The following FAM227B variants were observed in gnomAD, a reference collection of about 807,000 sequenced individuals.
FAM227B encodes the protein protein FAM227B.
A neutral mutation model predicts 73.8 loss-of-function variants in FAM227B; 88 were observed. The observed-to-expected ratio is 1.19, with a 90% CI of 1.00 to 1.42. The LOEUF (loss-of-function observed/expected upper bound fraction) is 1.42. Ranked by LOEUF, FAM227B falls within the 40% of genes most tolerant of loss-of-function variation. The pLI, the probability that FAM227B is intolerant of heterozygous loss-of-function variation, is 0.00. For synonymous variants in FAM227B, 210 were observed against 190.5 expected, an observed-to-expected ratio of 1.10 and a Z score of -0.84; for missense variants, 632 against 590.9, an observed-to-expected ratio of 1.07 and a Z score of -0.72.
At chr15:49,505,168 T>C (rs1479675530) in intron 11 of FAM227B, among the ~76,000 whole-genome samples, 1 of 152,168 alleles carries the variant, frequency 6.6e-6, no homozygotes, top group African/African-American at 2.4e-5. Context: ...ATGCACTCTA[T>C]ATAATTTCAT....
At chr15:49,542,133 T>C (rs1336567976) in intron 9 of FAM227B, among the ~76,000 whole-genome samples, 1 of 152,190 alleles carries the variant, frequency 6.6e-6, no homozygotes, top group Non-Finnish European at 1.5e-5. Flanking sequence ...TTTAATATTT[T>C]TAACTTTTAT....
At chr15:49,361,740 A>G (rs2044278143) in intron 13 of FAM227B, among the ~76,000 whole-genome samples, 1 of 152,158 alleles carries the variant, frequency 6.6e-6, no homozygotes, top group Non-Finnish European at 1.5e-5. Context: ...AGAAAGATTT[A>G]TATTCCTTTG....
At chr15:49,395,627 G>A (rs1271319759) in intron 11 of FAM227B, among the ~76,000 whole-genome samples, 1 of 152,188 alleles carries the variant, frequency 6.6e-6, no homozygotes, top group Non-Finnish European at 1.5e-5. Context: ...ATACATGGCA[G>A]CTAATTTTTA....
At chr15:49,598,504 G>C (rs898664930) in intron 3 of FAM227B, among the ~76,000 whole-genome samples, 1 of 151,968 alleles carries the variant, frequency 6.6e-6, no homozygotes, top group Non-Finnish European at 1.5e-5. Context: ...GGAGTGCTGA[G>C]TGGGAATCCT....
intron 7 of FAM227B, 127 bp downstream of exon 7, chr15:49,576,614 C>T: frequency 3.2e-6 from 2 of 625,330 alleles, no homozygotes; most frequent in Non-Finnish European, 5.5e-6. Flanking sequence ...GTCTTTCCTG[C>T]CAAATTTAAT....
At chr15:49,483,534 A>G (rs547856307) in intron 11 of FAM227B, among the ~76,000 whole-genome samples, 23 of 152,118 alleles carry the variant, frequency 1.5e-4, no homozygotes, top group African/African-American at 3.6e-4. Flanking sequence ...TGCATTTTAG[A>G]TATTTAAAAT....
At chr15:49,488,792 G>A (rs1487266856) in intron 11 of FAM227B, 1 of 151,980 alleles carries the variant, frequency 6.6e-6, no homozygotes, top group Non-Finnish European at 1.5e-5. Context: ...TTTTCTCATA[G>A]TTTATGTGGC....
At chr15:49,564,476 C>T (rs887783777) in intron 9 of FAM227B, among the ~76,000 whole-genome samples, 3 of 152,084 alleles carry the variant, frequency 2.0e-5, no homozygotes, top group Non-Finnish European at 4.4e-5. Context: ...CCCAGGAATC[C>T]CATAACAAGG....
At chr15:49,401,993 A>C (rs1233535951) in intron 11 of FAM227B, among the ~76,000 whole-genome samples, 1 of 151,980 alleles carries the variant, frequency 6.6e-6, no homozygotes, top group Non-Finnish European at 1.5e-5. Context: ...CTAAAACTTA[A>C]AGTATAATAA....
intron 13 of FAM227B, among the ~76,000 whole-genome samples, chr15:49,338,895 A>C (rs1030704104): frequency 1.3e-5 from 2 of 152,118 alleles, no homozygotes; most frequent in Non-Finnish European, 2.9e-5. Flanking sequence ...AGTCTCTGAT[A>C]TCCTTTCTAC....
chr15:49,501,506 G>T (rs762426859), intron 11 of FAM227B, among the ~76,000 whole-genome samples: 3 of 152,208 alleles, frequency 2.0e-5, no homozygotes, highest in Non-Finnish European at 2.9e-5. Context: ...AGGCAACAGG[G>T]TATTCAAGAT....
intron 5 of FAM227B, 142 bp downstream of exon 5, chr15:49,587,874 T>A (rs1394941129): frequency 7.5e-5 from 53 of 705,006 alleles, no homozygotes; most frequent in Non-Finnish European, 4.3e-5. Context: ...GCAGCTATCT[T>A]TAAAACATAG....
At chr15:49,408,833 G>GT (rs1567226123) in intron 11 of FAM227B, among the ~76,000 whole-genome samples, 1 of 145,184 alleles carries the variant, frequency 6.9e-6, no homozygotes, top group Admixed American at 7.0e-5. Context: ...TGTTGTGGTG[G>GT]TTTTTTCTGG....
chr15:49,332,765 G>C (rs1265233127), intron 14 of FAM227B, among the ~76,000 whole-genome samples: 3 of 152,212 alleles, frequency 2.0e-5, no homozygotes, highest in African/African-American at 7.2e-5. Flanking sequence ...GAAGCAGCAA[G>C]TTTAGATGAG....
intron 10 of FAM227B, among the ~76,000 whole-genome samples, chr15:49,540,111 T>C (rs1472920233): frequency 3.3e-5 from 5 of 152,110 alleles, no homozygotes; most frequent in East Asian, 1.9e-4. Flanking sequence ...GCAATGGCTG[T>C]TGGTTAACCA....
chr15:49,511,022 G>A lies in FAM227B; in HGVS notation c.875-2674C>T, dbSNP rs1352548256. 2.6e-5 allele frequency among the ~76,000 whole-genome samples: 4 copies of A among 151,244 alleles called. No homozygotes were observed. In the South Asian group the frequency reaches 6.2e-4, roughly 24 times the overall value. ...TTCTGAGGACTCACAATTTACTGTG[G>A]CATACAGCAATTTTTATCCATTGTC... On this transcript the variant is annotated intron_variant, in intron 10 of 15. Transcript: ENST00000299338.
intron 11 of FAM227B, among the ~76,000 whole-genome samples, chr15:49,422,179 T>C (rs1012837543): frequency 2.8e-4 from 33 of 117,420 alleles, no homozygotes; most frequent in Non-Finnish European, 3.8e-4. Flanking sequence ...CGCGCGCGCG[T>C]GCACGCGTGT....
At chr15:49,570,831 T>C (rs1410285569) in intron 8 of FAM227B, among the ~76,000 whole-genome samples, 1 of 147,438 alleles carries the variant, frequency 6.8e-6, no homozygotes, top group Non-Finnish European at 1.5e-5. Context: ...TTATATTATA[T>C]ATAATATATA....
chr15:49,549,431 G>A (rs1010175564), intron 9 of FAM227B, among the ~76,000 whole-genome samples: 1 of 151,966 alleles, frequency 6.6e-6, no homozygotes, highest in Non-Finnish European at 1.5e-5. Context: ...ATAAACAAGT[G>A]AACAAAGGTC....
Sources: gnomAD v4.1 joint callset for allele counts (sites outside exome capture counted in the v4.1 genomes callset) on GRCh38, gnomAD v4.1.1 for gene constraint, MANE v1.5 for transcripts, NCBI Gene and HGNC (gene_info 2026-07-23, HGNC 2026-07-21) for gene names.